Variants in IL7 observed in about 807,000 individuals in gnomAD.
The protein encoded by IL7 is interleukin 7, also known as interleukin-7.
A neutral mutation model predicts 21.6 loss-of-function variants in IL7; 3 were observed. That is an observed-to-expected ratio of 0.14 (90% CI 0.06 to 0.36). The LOEUF is 0.36. Ranked by LOEUF, IL7 falls within the 10% of genes least tolerant of loss-of-function variation. The probability of loss-of-function intolerance (pLI) is 1.00; values close to 1 mark genes in which losing one functional copy is unlikely to be tolerated. For synonymous variants in IL7, 62 were observed against 68.1 expected, an observed-to-expected ratio of 0.91 and a Z score of 0.44; for missense variants, 175 against 200.2, an observed-to-expected ratio of 0.87 and a Z score of 0.76.
chr8:78,785,861 G>A (rs1813493133), intron 2 of IL7, among the ~76,000 whole-genome samples: 1 of 152,134 alleles, frequency 6.6e-6, no homozygotes, highest in East Asian at 1.9e-4. Context: ...AGTATTATCT[G>A]CTCTGTGTGC....
In IL7 at chr8:78,708,831, C is replaced by A. The variant is rs182127768; in HGVS notation, n.214+12517G>T. ...CATTAGCTGGGACAGGTGTGTGCTA[C>A]CATGTCTGGCTAATTTTGAATTTTT... On this transcript the variant is annotated intron_variant and non_coding_transcript_variant, in intron 3 of 4. Transcript: ENST00000523959. Among the ~76,000 whole-genome samples the A allele has an allele frequency of 3.0e-4, 45 of 152,042 alleles. No individual in the cohort carries two copies. In the East Asian group the frequency reaches 7.9e-3, roughly 27 times the overall value.
rs552251566 is a variant in IL7, at chr8:78,743,792, C to T, written c.148-3710G>A. 3.9e-5 allele frequency among the ~76,000 whole-genome samples: 6 copies of T among 152,158 alleles called. No homozygotes were observed. The East Asian group carries it at 1.2e-3, about 29-fold the overall frequency. ...ATCTACCTTCAATGTTCGACGTTGC[C>T]TACCTTTTTTTTTCCCCCTGGCACA... is the stretch of plus-strand genomic sequence containing the variant. On this transcript the variant is annotated intron_variant, in intron 2 of 5. Transcript: ENST00000263851.
At chr8:78,762,793 AGTATT>A (rs778835645) in intron 2 of IL7, among the ~76,000 whole-genome samples, 1 of 152,052 alleles carries the variant, frequency 6.6e-6, no homozygotes, top group Non-Finnish European at 1.5e-5. Flanking sequence ...TTACTGAAGA[AGTATT>A]GTATTCCTTC....
At chr8:78,684,970 A>T (rs929300428) in intron 4 of IL7, among the ~76,000 whole-genome samples, 3 of 152,198 alleles carry the variant, frequency 2.0e-5, no homozygotes, top group African/African-American at 7.2e-5. Flanking sequence ...TAAAAATTAG[A>T]CAAGTTGATT....
chr8:78,738,729 C>T (rs1266762501), intron 3 of IL7, 94 bp from the exon 4 acceptor site: 12 of 1,145,306 alleles, frequency 1.0e-5, no homozygotes, highest in Admixed American at 4.6e-5. Context: ...AGCTATGTTG[C>T]TAGGTAATGC....
chr8:78,704,205 A>G (rs1810696548), intron 3 of IL7, among the ~76,000 whole-genome samples: 1 of 151,838 alleles, frequency 6.6e-6, no homozygotes. Context: ...AATGTGGTGA[A>G]AGCCTGTCTC....
At chr8:78,762,410 C>T in intron 2 of IL7, 15 of 1,609,436 alleles carry the variant, frequency 9.3e-6, no homozygotes, top group African/African-American at 1.3e-5. Context: ...GTGCAGTTGG[C>T]GGCAGCGCAG....
downstream of IL7, among the ~76,000 whole-genome samples, chr8:78,714,472 G>A (rs1056436367): frequency 1.3e-4 from 20 of 152,112 alleles, no homozygotes; most frequent in Non-Finnish European, 2.2e-4. Flanking sequence ...CTTTCTATAA[G>A]TGATCATTTT....
intron 2 of IL7, among the ~76,000 whole-genome samples, chr8:78,781,645 T>C (rs1458803855): frequency 1.3e-5 from 2 of 152,092 alleles, no homozygotes; most frequent in Non-Finnish European, 2.9e-5. Flanking sequence ...TGGCTGCCCT[T>C]AATATTTTTT....
At chr8:78,786,013 T>A (rs556948574) in intron 2 of IL7, among the ~76,000 whole-genome samples, 2 of 152,312 alleles carry the variant, frequency 1.3e-5, no homozygotes, top group South Asian at 4.1e-4. Context: ...GACTATTTTA[T>A]AGAGCAATTT....
At chr8:78,717,439 T>C (rs747072248), downstream of IL7, 2 of 1,609,574 alleles carry the variant, frequency 1.2e-6, no homozygotes, top group Admixed American at 1.7e-5. Flanking sequence ...CTAAATACCC[T>C]GTAGAATGGG....
chr8:78,733,604 G>T lies in IL7; in HGVS notation c.*109C>A. ...TGCCCTAATCCGTTTTGACCATGGT[G>T]CATTCAGTAACTTCTAGGAAGCATT... On this transcript the variant is annotated 3_prime_UTR_variant, in exon 6 of 6. Coordinates refer to ENST00000263851, the MANE Select transcript of IL7 (RefSeq NM_000880.4). 8.9e-7 allele frequency: 1 copy of T among 1,126,344 alleles called. No individual in the cohort carries two copies. Among genetic ancestry groups the T allele is most frequent in the Non-Finnish European group, 1.3e-6 (1 of 787,104 alleles). The allele number at this position is 1,126,344 out of a possible 1,614,324, so 69.8% of individuals were successfully genotyped here. A position where few individuals can be genotyped will look rare whatever the true frequency, so the allele number is the denominator to read the frequency against.
chr8:78,678,129 T>C (rs540471279), intron 4 of IL7, among the ~76,000 whole-genome samples: 2 of 152,248 alleles, frequency 1.3e-5, no homozygotes, highest in South Asian at 4.1e-4. Flanking sequence ...AGAAAGGTCT[T>C]TATGATCTGT....
At chr8:78,764,232 A>T (rs967789539) in intron 2 of IL7, among the ~76,000 whole-genome samples, 1 of 152,104 alleles carries the variant, frequency 6.6e-6, no homozygotes, top group Non-Finnish European at 1.5e-5. Flanking sequence ...CCTATAGCTA[A>T]TATCATACTT....
chr8:78,784,859 T>G (rs1189149196), intron 2 of IL7, among the ~76,000 whole-genome samples: 3 of 152,130 alleles, frequency 2.0e-5, no homozygotes. Context: ...TTATATCCAG[T>G]AGCTCCCCTC....
rs1197201445 is a variant in IL7, at chr8:78,761,462, A to G, written c.148-21380T>C. ...GTAAGCCTGGCCACGACAATACTCC[A>G]TATTTAATCCCCACTTCTCAGTTAT... On this transcript the variant is annotated intron_variant, in intron 2 of 5. Transcript: ENST00000263851. 6 of 1,610,488 alleles carry G rather than the reference A, an allele frequency of 3.7e-6. No individual in the cohort carries two copies. In the African/African-American group the frequency reaches 8.0e-5, roughly 22 times the overall value.
At chr8:78,678,484 G>A in intron 4 of IL7, 1 of 1,033,616 alleles carries the variant, frequency 9.7e-7, no homozygotes, top group Non-Finnish European at 1.4e-6. Context: ...TTTTAAACTG[G>A]TCTCAATGTA....
chr8:78,699,839 T>G (rs1810544216), intron 3 of IL7, among the ~76,000 whole-genome samples: 2 of 152,210 alleles, frequency 1.3e-5, no homozygotes, highest in South Asian at 4.1e-4. Flanking sequence ...ATGGTGTTTA[T>G]GTACTATATT....
intron 2 of IL7, among the ~76,000 whole-genome samples, chr8:78,778,247 A>T (rs544596331): frequency 1.3e-4 from 20 of 152,204 alleles, no homozygotes; most frequent in Admixed American, 9.2e-4. Context: ...GCAAAATTGC[A>T]TGGAAAGGCA....
Sources: allele counts gnomAD v4.1 joint callset (sites outside exome capture counted in the v4.1 genomes callset), GRCh38; gene constraint gnomAD v4.1.1; transcripts MANE v1.5; gene names NCBI Gene and HGNC (gene_info 2026-07-23, HGNC 2026-07-21).